Variants in WLS observed in about 807,000 individuals in gnomAD.
The protein encoded by WLS is protein wntless homolog.
A neutral mutation model predicts 62.8 loss-of-function variants in WLS; 23 were observed. The observed-to-expected ratio is 0.37, with a 90% confidence interval of 0.26 to 0.52. The LOEUF (loss-of-function observed/expected upper bound fraction) is 0.52, where lower values mean the gene tolerates loss of function less well. WLS is among the 20% of genes least tolerant of loss of function. WLS has a pLI of 0.92. For synonymous variants in WLS, 246 were observed against 244.1 expected (o/e 1.01, Z -0.07); for missense variants, 615 against 697.3 (o/e 0.88, Z 1.33).
intron 11 of WLS, among the ~76,000 whole-genome samples, chr1:68,115,626 T>C (rs1463056694): frequency 6.6e-6 from 1 of 152,186 alleles, no homozygotes; most frequent in African/African-American, 2.4e-5. Flanking sequence ...GCCAGCACAT[T>C]ATCAGTGCTT....
exon 12 of WLS, chr1:68,098,546 T>A (rs1646036763): frequency 6.5e-7 from 1 of 1,548,928 alleles, no homozygotes; most frequent in Middle Eastern, 1.7e-4. Flanking sequence ...GCTAAATGAG[T>A]GTATTTGTGT....
At chr1:68,129,466 T>G (rs1392348189) in intron 11 of WLS, among the ~76,000 whole-genome samples, 2 of 152,270 alleles carry the variant, frequency 1.3e-5, no homozygotes, top group Non-Finnish European at 2.9e-5. Flanking sequence ...ATTGGCCATA[T>G]GCACTGTTAG....
rs1646853786 is a variant in WLS, at chr1:68,153,458, A to G, written c.803+59T>C. On this transcript the variant is annotated intron_variant, in intron 5 of 11. Coordinates refer to ENST00000262348, the MANE Select transcript of WLS (RefSeq NM_024911.7). ...TGAACTGGACACCAGCAAAAGCAAG[A>G]GCTTGGCAGATCATGAGAAGCCAGT... The G allele has an allele frequency of 2.5e-6, 4 of 1,607,782 alleles. No homozygotes were observed. In the East Asian group the frequency reaches 8.9e-5, roughly 36 times the overall value.
intron 2 of WLS, chr1:68,186,405 T>C: frequency 2.9e-6 from 1 of 345,794 alleles, no homozygotes; most frequent in Admixed American, 3.9e-5. Context: ...ACCAGATATA[T>C]ATTATAAACC....
At chr1:68,160,800 G>T (rs572617227) in intron 2 of WLS, among the ~76,000 whole-genome samples, 12 of 152,110 alleles carry the variant, frequency 7.9e-5, no homozygotes, top group Non-Finnish European at 1.5e-4. Flanking sequence ...CAAACAAAAA[G>T]GCAATGATTC....
In WLS at chr1:68,231,843, A is replaced by G. The variant is rs1460392244; in HGVS notation, c.106+351T>C. Reference sequence around the variant, plus strand: ...AGGGAACCGAGAGGAAAAGGGGGGGAACGCGGGAAAAAGCGGGGGGGGGGG... The same window carrying G: ...AGGGAACCGAGAGGAAAAGGGGGGGGACGCGGGAAAAAGCGGGGGGGGGGG... On this transcript the variant is annotated intron_variant, in intron 1 of 11. Transcript: ENST00000262348. 1.5e-5 allele frequency: 5 copies of G among 327,174 alleles called. No individual in the cohort carries two copies. In the East Asian group the frequency reaches 3.7e-4, roughly 24 times the overall value. The allele number at this position is 327,174 out of a possible 1,614,324, so 20.3% of individuals were successfully genotyped here.
chr1:68,103,891 G>C (rs1356860649), intron 11 of WLS, among the ~76,000 whole-genome samples: 1 of 152,182 alleles, frequency 6.6e-6, no homozygotes, highest in Non-Finnish European at 1.5e-5. Flanking sequence ...TAGAAGATCT[G>C]CCTTAAATTG....
At chr1:68,107,274 ATCC>A (rs1195540198) in intron 11 of WLS, among the ~76,000 whole-genome samples, 4 of 148,792 alleles carry the variant, frequency 2.7e-5, no homozygotes, top group Non-Finnish European at 5.9e-5. Context: ...TTGTTGAACT[ATCC>A]TCCATTGTTG....
intron 11 of WLS, among the ~76,000 whole-genome samples, chr1:68,135,285 G>C (rs1374276158): frequency 6.7e-6 from 1 of 149,140 alleles, no homozygotes; most frequent in Non-Finnish European, 1.5e-5. Context: ...GGGACTACAG[G>C]TGCACACCAC....
chr1:68,132,277 C>T (rs1646538065), intron 11 of WLS, among the ~76,000 whole-genome samples: 1 of 152,186 alleles, frequency 6.6e-6, no homozygotes, highest in Non-Finnish European at 1.5e-5. Flanking sequence ...CCCACCTTCA[C>T]TGGGGAATGG....
intron 5 of WLS, among the ~76,000 whole-genome samples, chr1:68,150,869 C>T (rs1022886853): frequency 4.6e-5 from 7 of 152,344 alleles, no homozygotes; most frequent in African/African-American, 1.7e-4. Context: ...CCCTGTCACA[C>T]TAAGAACTGC....
At chr1:68,153,761 T>C in intron 4 of WLS, 108 bp from the exon 5 acceptor site, 1 of 1,452,928 alleles carries the variant, frequency 6.9e-7, no homozygotes, top group Non-Finnish European at 9.4e-7. Context: ...TCTGCGAATG[T>C]TCACGATCAA....
intron 2 of WLS, among the ~76,000 whole-genome samples, chr1:68,173,607 A>G (rs961198064): frequency 1.3e-5 from 2 of 152,176 alleles, no homozygotes; most frequent in African/African-American, 4.8e-5. Context: ...GATAAAGAAA[A>G]AACACACAGG....
chr1:68,215,917 G>A (rs986717201), intron 1 of WLS, among the ~76,000 whole-genome samples: 5 of 152,152 alleles, frequency 3.3e-5, no homozygotes, highest in African/African-American at 1.2e-4. Context: ...GATTTACCCT[G>A]GGGTTCTAAA....
intron 6 of WLS, 23 bp from the exon 7 acceptor site, chr1:68,148,683 G>C: frequency 6.2e-7 from 1 of 1,609,232 alleles, no homozygotes; most frequent in Non-Finnish European, 8.5e-7. Flanking sequence ...AAATTGAGAA[G>C]GGAGATAGAG....
chr1:68,179,545 C>T (rs770465038), intron 2 of WLS, among the ~76,000 whole-genome samples: 4 of 152,196 alleles, frequency 2.6e-5, no homozygotes, highest in African/African-American at 7.2e-5. Context: ...TCTTAATTAG[C>T]GAACATTTGT....
At chr1:68,167,993 C>T (rs778571315) in intron 2 of WLS, among the ~76,000 whole-genome samples, 3 of 152,160 alleles carry the variant, frequency 2.0e-5, no homozygotes, top group Non-Finnish European at 2.9e-5. Flanking sequence ...AAGTCTGTCT[C>T]TATACCAGTT....
At chr1:68,213,612 C>T (rs17130584) in intron 1 of WLS, among the ~76,000 whole-genome samples, 3,251 of 152,122 alleles carry the variant, frequency 0.021, 61 homozygotes, top group African/African-American at 0.033. Context: ...ATGAATCTTG[C>T]CTTGGATTAT....
intron 2 of WLS, chr1:68,163,215 A>C (rs1647009696): frequency 1.6e-6 from 1 of 631,744 alleles, no homozygotes; most frequent in Non-Finnish European, 2.8e-6. Context: ...TACACACTAT[A>C]AATCTGTACA....
Sources: gnomAD v4.1 joint callset for allele counts (sites outside exome capture counted in the v4.1 genomes callset) on GRCh38, gnomAD v4.1.1 for gene constraint, MANE v1.5 for transcripts, NCBI Gene and HGNC (gene_info 2026-07-23, HGNC 2026-07-21) for gene names.